CTCFL: variants seen among roughly 807,000 people sequenced by gnomAD.
CTCFL encodes transcriptional repressor CTCFL.
Under a neutral mutation model 67.4 loss-of-function variants are expected in CTCFL, and 36 were observed. That is an observed-to-expected ratio of 0.53 (90% confidence interval 0.41 to 0.71). The LOEUF (loss-of-function observed/expected upper bound fraction) is 0.71, where lower values mean the gene tolerates loss of function less well. CTCFL is among the 30% of genes least tolerant of loss of function. The pLI, the probability that CTCFL is intolerant of heterozygous loss-of-function variation, is 0.00. For synonymous variants in CTCFL, 324 were observed against 302.3 expected, an observed-to-expected ratio of 1.07 and a Z score of -0.75; for missense variants, 786 against 835.2, an observed-to-expected ratio of 0.94 and a Z score of 0.73.
chr20:57,517,891 T>C (rs1273691714), intron 5 of CTCFL, among the ~76,000 whole-genome samples: 1 of 152,180 alleles, frequency 6.6e-6, no homozygotes, highest in Non-Finnish European at 1.5e-5. Context: ...CCCTGATCCC[T>C]CCATTTTGCA....
At chr20:57,512,069 G>A (rs2068601461) in intron 8 of CTCFL, among the ~76,000 whole-genome samples, 1 of 152,190 alleles carries the variant, frequency 6.6e-6, no homozygotes, top group Admixed American at 6.5e-5. Flanking sequence ...AGACAGTGGA[G>A]GTGCGTATGC....
rs192956817 is a variant in CTCFL, at chr20:57,498,618, C to T, written c.1924G>A (p.Ala642Thr). ...TCATCCACTTCCTCTTTGACTCTGG[C>T]TGTGGTTTCTCTGCAGGCGACAGGA... ...MFPVACRETT[A>T]RVKEEVDEGV... The change falls in exon 11 of 11, where the codon GCC becomes ACC. Residue 642 changes from alanine (A) to threonine (T), a missense_variant. Physicochemically the swap from Ala to Thr is moderately conservative, Grantham distance 58. Around this residue, in one of 3 missense-constraint regions of CTCFL, gnomAD observed 199 missense variants for 196.7 expected, o/e 1.01. Transcript: ENST00000243914. The T allele has an allele frequency of 1.2e-5, 19 of 1,614,166 alleles. No homozygotes were observed. The African/African-American group carries it at 1.7e-4, about 15-fold the overall frequency.
intron 3 of CTCFL, 30 bp downstream of exon 3, chr20:57,523,038 G>A (rs1055333159): frequency 6.4e-7 from 1 of 1,566,800 alleles, no homozygotes; most frequent in Non-Finnish European, 8.7e-7. Context: ...CAGTTTTAGG[G>A]AGTGTATTCT....
At chr20:57,523,340 T>A in intron 2 of CTCFL, 62 bp from the exon 3 acceptor site, 2 of 1,458,124 alleles carry the variant, frequency 1.4e-6, no homozygotes, top group Non-Finnish European at 1.9e-6. Flanking sequence ...GACTTTTGCC[T>A]GGATGAAGCA....
chr20:57,523,374 A>C, intron 2 of CTCFL, 96 bp from the exon 3 acceptor site: 2 of 1,230,880 alleles, frequency 1.6e-6, no homozygotes, highest in Non-Finnish European at 2.3e-6. Flanking sequence ...GAAAAGCCAA[A>C]GTGGAAGATT....
In CTCFL at chr20:57,498,178, A is replaced by G. The variant is rs2067754554; in HGVS notation, c.*372T>C. 1 of 994,728 alleles carries G rather than the reference A, an allele frequency of 1.0e-6. No homozygotes were observed. Among genetic ancestry groups the G allele is most frequent in the Admixed American group, 5.9e-5 (1 of 16,864 alleles). The allele number at this position is 994,728 out of a possible 1,614,324, so 61.6% of individuals were successfully genotyped here. A position where few individuals can be genotyped will look rare whatever the true frequency, so the allele number is the denominator to read the frequency against. On this transcript the variant is annotated 3_prime_UTR_variant, in exon 11 of 11. Coordinates refer to ENST00000243914, the MANE Select transcript of CTCFL (RefSeq NM_001386993.1). Reference sequence around the variant, plus strand: ...GACTATTTTGAAATATCCAAAAATCACTACTCACTCATTGTGGGCCACCTT... The same window carrying G: ...GACTATTTTGAAATATCCAAAAATCGCTACTCACTCATTGTGGGCCACCTT...
intron 3 of CTCFL, among the ~76,000 whole-genome samples, chr20:57,521,084 C>T (rs1159388293): frequency 1.3e-5 from 2 of 152,192 alleles, no homozygotes; most frequent in Non-Finnish European, 2.9e-5. Context: ...ATATTCTCCC[C>T]GACAGCCTTG....
chr20:57,523,352 A>T, intron 2 of CTCFL, 74 bp from the exon 3 acceptor site: 1 of 1,384,822 alleles, frequency 7.2e-7, no homozygotes. Context: ...GATGAAGCAC[A>T]GAATACAAAA....
intron 8 of CTCFL, among the ~76,000 whole-genome samples, chr20:57,511,782 G>A (rs1434534026): frequency 1.3e-5 from 2 of 151,900 alleles, no homozygotes; most frequent in Admixed American, 6.6e-5. Context: ...TAATAGAAAC[G>A]GGGTTTCACC....
At chr20:57,496,991 T>TA (rs1377537276), downstream of CTCFL, among the ~76,000 whole-genome samples, 1 of 146,724 alleles carries the variant, frequency 6.8e-6, no homozygotes, top group Non-Finnish European at 1.5e-5. Flanking sequence ...GTGGGTCAGA[T>TA]ACTAATGCTA....
At chr20:57,518,480 A>C in intron 5 of CTCFL, 1 of 1,383,576 alleles carries the variant, frequency 7.2e-7, no homozygotes, top group Non-Finnish European at 9.4e-7. Context: ...CAGAACTTTT[A>C]AACAAATCTG....
chr20:57,522,867 T>C (rs779083681), intron 3 of CTCFL, among the ~76,000 whole-genome samples: 17 of 152,368 alleles, frequency 1.1e-4, no homozygotes, highest in Middle Eastern at 3.4e-3. Context: ...TTTACTGTGC[T>C]TTCAAAACGT....
intron 3 of CTCFL, among the ~76,000 whole-genome samples, chr20:57,522,154 G>C (rs550121648): frequency 4.6e-5 from 7 of 152,186 alleles, no homozygotes; most frequent in Non-Finnish European, 8.8e-5. Flanking sequence ...GCAGAGGCAA[G>C]AAACCTAAGT....
At chr20:57,521,440 G>A (rs1159066639) in intron 3 of CTCFL, among the ~76,000 whole-genome samples, 1 of 152,240 alleles carries the variant, frequency 6.6e-6, no homozygotes, top group Admixed American at 6.5e-5. Context: ...AGGATGTGGA[G>A]AAACTGGAAG....
chr20:57,506,473 T>A (rs560944291), intron 9 of CTCFL, among the ~76,000 whole-genome samples: 133 of 152,246 alleles, frequency 8.7e-4, no homozygotes, highest in Middle Eastern at 3.4e-3. Flanking sequence ...CCAGCTAATT[T>A]TTGTATTTGT....
At chr20:57,519,042 G>GA in intron 4 of CTCFL, 151 bp from the exon 5 acceptor site, 1 of 1,211,628 alleles carries the variant, frequency 8.3e-7, no homozygotes, top group Non-Finnish European at 1.1e-6. Context: ...ATGCATGTGA[G>GA]AAAAATCTTT....
intron 9 of CTCFL, 148 bp downstream of exon 9, chr20:57,508,458 T>C: frequency 1.5e-6 from 1 of 678,932 alleles, no homozygotes; most frequent in South Asian, 2.7e-5. Flanking sequence ...TTTAAAAAAC[T>C]AATAACCACT....
intron 8 of CTCFL, among the ~76,000 whole-genome samples, chr20:57,511,596 C>CCTTT (rs1491221848): frequency 7.4e-6 from 1 of 135,114 alleles, no homozygotes; most frequent in African/African-American, 2.8e-5. Flanking sequence ...AATCCCCCCC[C>CCTTT]TTTTTTTTTT....
intron 5 of CTCFL, chr20:57,518,454 A>G (rs768088535): frequency 3.2e-6 from 4 of 1,233,870 alleles, no homozygotes; most frequent in Non-Finnish European, 3.2e-6. Flanking sequence ...TGTGGCCCAG[A>G]GTACTAGATA....
Sources: gnomAD v4.1 joint callset for allele counts (sites outside exome capture counted in the v4.1 genomes callset) on GRCh38, gnomAD v4.1.1 for gene constraint, gnomAD v4.1.1 regional missense constraint, MANE v1.5 for transcripts, NCBI Gene and HGNC (gene_info 2026-07-23, HGNC 2026-07-21) for gene names.